The following MYO18A variants were observed in gnomAD, a reference collection of about 807,000 sequenced individuals.
MYO18A encodes unconventional myosin-XVIIIa.
A neutral mutation model predicts 235.8 loss-of-function variants in MYO18A; 78 were observed. The ratio of observed to expected loss-of-function variants is 0.33; its 90% CI spans 0.28 to 0.40. MYO18A has a LOEUF of 0.40. Ranked by LOEUF, MYO18A falls within the 10% of genes least tolerant of loss-of-function variation. The pLI is 1.00. For synonymous variants in MYO18A, 977 were observed against 1,077.8 expected (o/e 0.91, Z 1.83); for missense variants, 2,215 against 2,699.3 (o/e 0.82, Z 3.98).
intron 2 of MYO18A, among the ~76,000 whole-genome samples, chr17:29,138,070 C>A (rs1419935344): frequency 6.6e-6 from 1 of 152,162 alleles, no homozygotes; most frequent in East Asian, 1.9e-4. Context: ...CTCCACCATG[C>A]CAGCAGAGCC....
chr17:29,077,923 G>A (rs1197045705), intron 41 of MYO18A: 2 of 152,268 alleles, frequency 1.3e-5, no homozygotes, highest in South Asian at 2.1e-4. Context: ...CCCTCTCCCA[G>A]GTCCATCAGC....
chr17:29,140,916 A>G lies in MYO18A; in HGVS notation c.1000-18663T>C, dbSNP rs981754903. 6.6e-6 allele frequency among the ~76,000 whole-genome samples: 1 copy of G among 152,246 alleles called. No homozygotes were observed. The highest frequency in any genetic ancestry group is 1.5e-5 in the Non-Finnish European group (1 of 68,038). ...TCTAATTACTGCGGCAGAGGCCAAG[A>G]CAGCCACTAACGTCACATCCAAGAC... On this transcript the variant is annotated intron_variant, in intron 2 of 41. Coordinates refer to ENST00000527372, the MANE Select transcript of MYO18A (RefSeq NM_078471.4). The surrounding 1 kb of genome is among the most constrained non-coding windows in gnomAD (Gnocchi z 4.2).
chr17:29,110,998 T>C (rs1172299889), intron 17 of MYO18A, among the ~76,000 whole-genome samples: 1 of 152,224 alleles, frequency 6.6e-6, no homozygotes, highest in African/African-American at 2.4e-5. Flanking sequence ...TTATTGTTCA[T>C]TATCTGTCTC....
At chr17:29,154,147 G>A (rs2068018534) in intron 2 of MYO18A, among the ~76,000 whole-genome samples, 4 of 132,914 alleles carry the variant, frequency 3.0e-5, no homozygotes, top group South Asian at 4.8e-4. Flanking sequence ...TGTATGTGGC[G>A]CCTAGGCCAT....
chr17:29,107,039 G>T lies in MYO18A; in HGVS notation c.3441+41C>A, dbSNP rs552118251. 3.8e-6 allele frequency: 6 copies of T among 1,579,734 alleles called. No individual in the cohort carries two copies. In the African/African-American group the frequency reaches 6.7e-5, roughly 18 times the overall value. On this transcript the variant is annotated intron_variant, in intron 20 of 41. Transcript: ENST00000527372. ...GTCTGGAAAGGGCAGCTGCTTGAGG[G>T]GCCTGGGCAGAGGGAGAGCGGTCTG... is the stretch of plus-strand genomic sequence containing the variant.
Position 29,114,035 on chromosome 17 carries a change from C to A in MYO18A, c.2574G>T (p.Val858=). Residue 858 remains valine, a synonymous_variant, in exon 15 of 42, where the codon GTG becomes GTT. Transcript: ENST00000527372. ...CCAGGGACTGATGGGAGGCCTGGTC[C>A]ACAGCAGCCACAGAGTCATCCGTCG... ...EPPTDDSVAA[V]DQASHQSLVR... 1 of 1,600,634 alleles carries A rather than the reference C, an allele frequency of 6.2e-7. No homozygotes were observed. Among genetic ancestry groups the A allele is most frequent in the African/African-American group, 1.3e-5 (1 of 74,690 alleles).
intron 2 of MYO18A, among the ~76,000 whole-genome samples, chr17:29,139,337 G>T (rs993018352): frequency 3.3e-5 from 5 of 152,174 alleles, no homozygotes; most frequent in Non-Finnish European, 7.3e-5. Flanking sequence ...TCTGTGACCT[G>T]GTGCTAGTGG....
chr17:29,114,059 C>T lies in MYO18A; in HGVS notation c.2550G>A (p.Pro850=), dbSNP rs12601535. The change falls in exon 15 of 42, where the codon CCG becomes CCA. Residue 850 remains proline (P), a synonymous_variant. Transcript: ENST00000527372. The stretch of plus-strand genomic sequence containing the variant: ...CCACAGCAGCCACAGAGTCATCCGT[C>T]GGGGGTTCCAAGTCGTCAAACGCCA... ...IELAFDDLEP[P]TDDSVAAVDQ... 6.2e-6 allele frequency: 10 copies of T among 1,601,872 alleles called. No individual in the cohort carries two copies. The highest frequency in any genetic ancestry group is 5.4e-5 in the African/African-American group (4 of 74,676).
chr17:29,128,433 C>A (rs1041920752), intron 2 of MYO18A: 1 of 1,289,446 alleles, frequency 7.8e-7, no homozygotes, highest in Non-Finnish European at 1.0e-6. Context: ...CCGTTCATGG[C>A]GAGTGTGGGT....
intron 2 of MYO18A, among the ~76,000 whole-genome samples, chr17:29,124,240 G>A (rs2067266413): frequency 6.6e-6 from 1 of 152,230 alleles, no homozygotes; most frequent in African/African-American, 2.4e-5. Context: ...ACATTGGCCA[G>A]GAGGTGGAGA....
intron 40 of MYO18A, 39 bp downstream of exon 40, chr17:29,085,565 G>T (rs773386854): frequency 5.0e-6 from 8 of 1,607,436 alleles, no homozygotes; most frequent in African/African-American, 1.3e-5. Flanking sequence ...TTAGACACCC[G>T]CGAGGACAGG....
At chr17:29,130,474 CCACACA>C (rs71135871) in intron 2 of MYO18A, among the ~76,000 whole-genome samples, 11,797 of 141,870 alleles carry the variant, frequency 0.083, 590 homozygotes, top group African/African-American at 0.099. Context: ...GAGGCCTCTC[CCACACA>C]CACACACACA....
At chr17:29,108,086 G>A (rs1003835015) in intron 19 of MYO18A, among the ~76,000 whole-genome samples, 4 of 151,824 alleles carry the variant, frequency 2.6e-5, no homozygotes, top group South Asian at 2.1e-4. Context: ...CACTTATCTC[G>A]AATGGTAGTC....
At chr17:29,149,371 G>A (rs1460943068) in intron 2 of MYO18A, among the ~76,000 whole-genome samples, 1 of 152,236 alleles carries the variant, frequency 6.6e-6, no homozygotes, top group African/African-American at 2.4e-5. Flanking sequence ...CTGTTCTAGA[G>A]AGGGGCTTGT....
chr17:29,116,823 C>T lies in MYO18A; in HGVS notation c.2039-368G>A, dbSNP rs539440153. Reference sequence around the variant, plus strand: ...CGCTGTGCTGACACCCGGAGCTTTCCGCTTGCAGTTGGGGCTGGGTAGGTT... The same window carrying T: ...CGCTGTGCTGACACCCGGAGCTTTCTGCTTGCAGTTGGGGCTGGGTAGGTT... On this transcript the variant is annotated intron_variant, in intron 10 of 41. Transcript: ENST00000527372. Among the ~76,000 whole-genome samples the T allele has an allele frequency of 6.7e-5, 10 of 149,254 alleles. No individual in the cohort carries two copies. The South Asian group carries it at 1.1e-3, about 16-fold the overall frequency.
intron 2 of MYO18A, among the ~76,000 whole-genome samples, chr17:29,163,094 G>A (rs886897342): frequency 2.0e-5 from 3 of 152,248 alleles, no homozygotes; most frequent in Non-Finnish European, 4.4e-5. Flanking sequence ...TGGCCTGATG[G>A]CAGGGTGGCC....
intron 2 of MYO18A, among the ~76,000 whole-genome samples, chr17:29,161,097 A>G (rs2068162320): frequency 6.6e-6 from 1 of 152,002 alleles, no homozygotes; most frequent in South Asian, 2.1e-4. Context: ...GCTCACGCCT[A>G]TAATCCCAGC....
intron 10 of MYO18A, among the ~76,000 whole-genome samples, 158 bp from the exon 11 acceptor site, chr17:29,116,613 G>GCAAACACACACACACACACA (rs2067069826): frequency 6.9e-6 from 1 of 144,806 alleles, no homozygotes; most frequent in African/African-American, 2.6e-5. Flanking sequence ...TGGGACAAAC[G>GCAAACACACACACACACACA]CACACACACA....
At chr17:29,141,026 G>A (rs866117921) in intron 2 of MYO18A, among the ~76,000 whole-genome samples, 3 of 152,212 alleles carry the variant, frequency 2.0e-5, no homozygotes, top group Admixed American at 6.5e-5. Context: ...AGACCCACAC[G>A]GGCAGGCCCA....
Sources: allele counts gnomAD v4.1 joint callset (sites outside exome capture counted in the v4.1 genomes callset), GRCh38; gene constraint gnomAD v4.1.1; non-coding constraint Gnocchi (gnomAD v3.1); transcripts MANE v1.5; gene names NCBI Gene and HGNC (gene_info 2026-07-23, HGNC 2026-07-21).